DIS3L2: variants seen among roughly 807,000 people sequenced by gnomAD.
DIS3L2 encodes DIS3-like exonuclease 2.
DIS3L2 carries 34 observed loss-of-function variants against 97.5 expected under a neutral mutation model. That is an observed-to-expected ratio of 0.35 (90% confidence interval 0.27 to 0.46). DIS3L2 has a LOEUF of 0.46. Among genes scored for constraint, DIS3L2 ranks in the 20% least tolerant of loss-of-function variants. DIS3L2 has a pLI of 1.00. For missense variants in DIS3L2, 1,038 were observed against 1,146.0 expected, an observed-to-expected ratio of 0.91 and a Z score of 1.36; for synonymous variants, 435 against 445.2, an observed-to-expected ratio of 0.98 and a Z score of 0.29.
At chr2:231,991,982 A>G (rs944453694) in intron 1 of DIS3L2, among the ~76,000 whole-genome samples, 6 of 152,204 alleles carry the variant, frequency 3.9e-5, no homozygotes, top group African/African-American at 9.6e-5. Context: ...CACGTGCTAA[A>G]TGATGAAATT....
chr2:232,023,929 A>G (rs938458430), intron 3 of DIS3L2, among the ~76,000 whole-genome samples: 1 of 152,146 alleles, frequency 6.6e-6, no homozygotes, highest in Non-Finnish European at 1.5e-5. Context: ...CACAATCCCT[A>G]GGTAATCTTG....
intron 10 of DIS3L2, among the ~76,000 whole-genome samples, chr2:232,224,547 A>C (rs1692588281): frequency 6.6e-6 from 1 of 152,192 alleles, no homozygotes; most frequent in South Asian, 2.1e-4. Context: ...AGACATCATT[A>C]AGATTGTTGA....
intron 16 of DIS3L2, among the ~76,000 whole-genome samples, chr2:232,333,057 T>G (rs1222738788): frequency 1.3e-5 from 2 of 151,886 alleles, no homozygotes; most frequent in African/African-American, 4.8e-5. Flanking sequence ...AGACAGCGTC[T>G]GCAGCCCCTG....
chr2:232,014,958 C>T lies in DIS3L2; in HGVS notation c.31C>T (p.Arg11Trp), dbSNP rs751777329. 36 of 1,613,894 alleles carry T rather than the reference C, an allele frequency of 2.2e-5. No homozygotes were observed. The highest frequency in any genetic ancestry group is 8.0e-5 in the African/African-American group (6 of 74,902). MSHPDYRMNL[R>W]PLGTPRGVSA... ...CCATCCTGACTACAGAATGAACCTC[C>T]GGCCCCTGGGGACCCCCAGAGGTAG... is the stretch of plus-strand genomic sequence containing the variant. The change falls in exon 2 of 21, where the codon CGG becomes TGG. Residue 11 changes from arginine to tryptophan, a missense_variant. Coordinates refer to ENST00000325385, the MANE Select transcript of DIS3L2 (RefSeq NM_152383.5).
chr2:232,025,054 T>G (rs959522771), intron 4 of DIS3L2, among the ~76,000 whole-genome samples: 1 of 152,202 alleles, frequency 6.6e-6, no homozygotes, highest in Middle Eastern at 3.2e-3. Context: ...GAGACCAAAC[T>G]TATGCTTATA....
At chr2:232,252,655 C>T (rs548161451) in intron 12 of DIS3L2, among the ~76,000 whole-genome samples, 6 of 152,320 alleles carry the variant, frequency 3.9e-5, no homozygotes, top group Admixed American at 3.9e-4. Context: ...AGTCCCAACA[C>T]TTTGGGAGGC....
intron 1 of DIS3L2, among the ~76,000 whole-genome samples, chr2:232,011,314 A>G (rs961467446): frequency 1.3e-5 from 2 of 151,108 alleles, no homozygotes; most frequent in Non-Finnish European, 2.9e-5. Flanking sequence ...CTTTATAACT[A>G]TGTCACAGGG....
At chr2:232,215,013 G>A (rs1336257388) in intron 10 of DIS3L2, among the ~76,000 whole-genome samples, 2 of 152,200 alleles carry the variant, frequency 1.3e-5, no homozygotes, top group Non-Finnish European at 2.9e-5. Flanking sequence ...CTTTTTGGGT[G>A]ACGAAAATGT....
chr2:232,211,990 A>G (rs948614109), intron 10 of DIS3L2, among the ~76,000 whole-genome samples: 5 of 152,266 alleles, frequency 3.3e-5, no homozygotes, highest in East Asian at 3.9e-4. Context: ...ACGAGCCACT[A>G]TGGGATTACA....
chr2:232,122,422 A>G (rs1438807965), intron 6 of DIS3L2, among the ~76,000 whole-genome samples: 2 of 152,182 alleles, frequency 1.3e-5, no homozygotes, highest in African/African-American at 4.8e-5. Flanking sequence ...GGATTCACTT[A>G]TAACTCGCTA....
chr2:231,983,440 G>C (rs1217890489), intron 1 of DIS3L2, among the ~76,000 whole-genome samples: 1 of 152,174 alleles, frequency 6.6e-6, no homozygotes, highest in Non-Finnish European at 1.5e-5. Flanking sequence ...TAGGAACTGG[G>C]CCACAACAGC....
chr2:232,303,289 C>G (rs1436634102), intron 14 of DIS3L2, among the ~76,000 whole-genome samples: 4 of 152,034 alleles, frequency 2.6e-5, no homozygotes, highest in African/African-American at 9.7e-5. Flanking sequence ...TGTTTGTGTT[C>G]CTCTGTTTCC....
At chr2:232,095,572 A>G (rs1274488735) in intron 6 of DIS3L2, among the ~76,000 whole-genome samples, 1 of 152,088 alleles carries the variant, frequency 6.6e-6, no homozygotes, top group Non-Finnish European at 1.5e-5. Flanking sequence ...TAATCTTTCT[A>G]TTTAAGGTAA....
chr2:231,975,032 T>C (rs560461620), intron 1 of DIS3L2, among the ~76,000 whole-genome samples: 1 of 152,326 alleles, frequency 6.6e-6, no homozygotes, highest in South Asian at 2.1e-4. Context: ...ATTTAACAAA[T>C]ACTTGGGTAT....
chr2:232,140,092 A>G (rs1698469075), intron 8 of DIS3L2, among the ~76,000 whole-genome samples: 1 of 152,144 alleles, frequency 6.6e-6, no homozygotes, highest in Non-Finnish European at 1.5e-5. Context: ...CCATTTCCCA[A>G]GCTGAGTGTG....
At chr2:231,992,089 G>A (rs1693601748) in intron 1 of DIS3L2, among the ~76,000 whole-genome samples, 1 of 152,170 alleles carries the variant, frequency 6.6e-6, no homozygotes, top group South Asian at 2.1e-4. Flanking sequence ...GCGTGAGACT[G>A]TTCATTTCCC....
rs187714881 is a variant in DIS3L2, at chr2:232,030,956, G to C, written c.366+876G>C. On this transcript the variant is annotated intron_variant, in intron 5 of 20. Transcript: ENST00000325385. ...AATTTGGTGTCTTCTTCAATAATAC[G>C]TGTTATAGAGTAGTGACTAAAAGTA... Among the ~76,000 whole-genome samples the C allele has an allele frequency of 7.4e-4, 112 of 151,950 alleles. No homozygotes were observed. In the South Asian group the frequency reaches 9.1e-3, roughly 12 times the overall value.
At chr2:232,222,546 C>T (rs1692533860) in intron 10 of DIS3L2, among the ~76,000 whole-genome samples, 1 of 152,188 alleles carries the variant, frequency 6.6e-6, no homozygotes, top group Non-Finnish European at 1.5e-5. Context: ...TCTTGGCTTA[C>T]TGCAACCTCC....
intron 20 of DIS3L2, chr2:232,336,171 A>C (rs760334450): frequency 1.3e-6 from 2 of 1,533,796 alleles, no homozygotes; most frequent in East Asian, 5.1e-5. Flanking sequence ...GAAAGCTATG[A>C]GTTTACACCC....
Sources: gnomAD v4.1 joint callset for allele counts (sites outside exome capture counted in the v4.1 genomes callset) on GRCh38, gnomAD v4.1.1 for gene constraint, MANE v1.5 for transcripts, NCBI Gene and HGNC (gene_info 2026-07-23, HGNC 2026-07-21) for gene names.